MITF: variants seen among roughly 807,000 people sequenced by gnomAD.
MITF encodes the protein melanocyte inducing transcription factor, also known as microphthalmia-associated transcription factor.
A neutral mutation model predicts 60.5 loss-of-function variants in MITF; 17 were observed. That is an observed-to-expected ratio of 0.28 (90% CI 0.19 to 0.42). The LOEUF (loss-of-function observed/expected upper bound fraction) is 0.42, where lower values mean the gene tolerates loss of function less well. Among genes scored for constraint, MITF ranks in the 10% least tolerant of loss-of-function variants. The probability of loss-of-function intolerance (pLI) is 1.00; values close to 1 mark genes in which losing one functional copy is unlikely to be tolerated. For synonymous variants in MITF, 260 were observed against 248.5 expected (o/e 1.05, Z -0.43); for missense variants, 622 against 683.5 (o/e 0.91, Z 1.00).
intron 9 of MITF, among the ~76,000 whole-genome samples, chr3:69,961,917 T>C (rs1040959984): frequency 6.6e-6 from 1 of 152,234 alleles, no homozygotes; most frequent in African/African-American, 2.4e-5. Flanking sequence ...ATCTTGGTTT[T>C]CTTCCAGTGA....
chr3:69,964,949 C>A lies in MITF; in HGVS notation c.1282C>A (p.Leu428Ile), dbSNP rs750479971. The A allele has an allele frequency of 1.2e-6, 2 of 1,614,152 alleles. No homozygotes were observed. The highest frequency in any genetic ancestry group is 2.2e-5 in the East Asian group (1 of 44,858). The change falls in exon 10 of 10, where the codon CTT becomes ATT. Residue 428 changes from leucine to isoleucine, a missense_variant. Coordinates refer to ENST00000352241, the MANE Select transcript of MITF (RefSeq NM_001354604.2). ...VNRIIKQEPV[L>I]ENCSQDLLQH... is the part of the protein sequence containing the mutation. ...TCGGATCATCAAGCAAGAACCCGTT[C>A]TTGAGAACTGCAGCCAAGACCTCCT...
intron 2 of MITF, among the ~76,000 whole-genome samples, chr3:69,893,948 A>G (rs1470929490): frequency 1.3e-5 from 2 of 152,224 alleles, no homozygotes; most frequent in Non-Finnish European, 2.9e-5. Flanking sequence ...ATCCTTACTT[A>G]TAGAAAATTC....
chr3:69,938,506 A>G, intron 3 of MITF: 1 of 1,458,700 alleles, frequency 6.9e-7, no homozygotes, highest in Non-Finnish European at 9.0e-7. Flanking sequence ...GGGAAGAAAG[A>G]ATGGAATATG....
chr3:69,954,013 A>G (rs139062392), intron 7 of MITF, among the ~76,000 whole-genome samples: 31 of 152,206 alleles, frequency 2.0e-4, no homozygotes, highest in Non-Finnish European at 3.5e-4. Flanking sequence ...GTTGGATAGT[A>G]TAAAGACTTG....
chr3:69,768,465 T>G (rs957382910), intron 1 of MITF, among the ~76,000 whole-genome samples: 2 of 152,232 alleles, frequency 1.3e-5, no homozygotes, highest in African/African-American at 4.8e-5. Flanking sequence ...TCTAGATATC[T>G]TCTCATATTT....
chr3:69,908,943 T>C (rs2065160123), intron 2 of MITF, among the ~76,000 whole-genome samples: 1 of 152,240 alleles, frequency 6.6e-6, no homozygotes, highest in South Asian at 2.1e-4. Context: ...TTAGAAAATA[T>C]CTTTGATGCT....
chr3:69,929,554 C>T (rs75483215), intron 2 of MITF, among the ~76,000 whole-genome samples: 2,445 of 152,130 alleles, frequency 0.016, 50 homozygotes, highest in African/African-American at 0.048. Flanking sequence ...CTGTGAATAG[C>T]ATTGATGTAG....
At chr3:69,800,445 A>ATT (rs760558063) in intron 1 of MITF, among the ~76,000 whole-genome samples, 15 of 152,098 alleles carry the variant, frequency 9.9e-5, no homozygotes, top group Non-Finnish European at 2.1e-4. Context: ...TCTCTTGAGT[A>ATT]TTTACCTAAG....
chr3:69,819,832 G>C (rs2063239297), intron 1 of MITF, among the ~76,000 whole-genome samples: 1 of 152,112 alleles, frequency 6.6e-6, no homozygotes, highest in African/African-American at 2.4e-5. Context: ...GGGAGTGATG[G>C]TGCATGCCTG....
chr3:69,913,143 TA>T (rs1661393485), intron 2 of MITF, among the ~76,000 whole-genome samples: 1 of 152,174 alleles, frequency 6.6e-6, no homozygotes, highest in Admixed American at 6.5e-5. Flanking sequence ...TATAGATATA[TA>T]ATTATATTTT....
intron 2 of MITF, among the ~76,000 whole-genome samples, chr3:69,923,546 T>G (rs879747508): frequency 1.3e-5 from 2 of 152,188 alleles, no homozygotes; most frequent in Admixed American, 1.3e-4. Context: ...GGTTTCACCA[T>G]GTTGGCCTGA....
At chr3:69,954,722 C>T (rs1198233649) in intron 7 of MITF, among the ~76,000 whole-genome samples, 1 of 152,188 alleles carries the variant, frequency 6.6e-6, no homozygotes, top group Admixed American at 6.5e-5. Flanking sequence ...ACAATTCCTT[C>T]TTCAAAACCA....
At chr3:69,883,887 G>C (rs780576622) in intron 2 of MITF, among the ~76,000 whole-genome samples, 57 of 152,090 alleles carry the variant, frequency 3.7e-4, no homozygotes, top group Admixed American at 1.4e-3. Context: ...CAAACAACCT[G>C]TCAGCCTTGA....
At chr3:69,936,805 A>G (rs2065846599) in intron 2 of MITF, 3 of 1,555,658 alleles carry the variant, frequency 1.9e-6, no homozygotes, top group African/African-American at 1.4e-5. Context: ...AATGCAATAA[A>G]TTGATTTAAT....
intron 2 of MITF, among the ~76,000 whole-genome samples, chr3:69,902,636 T>A (rs2065018043): frequency 6.6e-6 from 1 of 152,198 alleles, no homozygotes; most frequent in African/African-American, 2.4e-5. Context: ...TCTTTTTCCT[T>A]TTTTAAAAAA....
At chr3:69,864,699 C>T (rs2064079694) in intron 1 of MITF, among the ~76,000 whole-genome samples, 1 of 152,128 alleles carries the variant, frequency 6.6e-6, no homozygotes, top group African/African-American at 2.4e-5. Flanking sequence ...CCCTGGCCTA[C>T]CAGATCCTTC....
chr3:69,870,436 A>T (rs534315187), intron 1 of MITF, among the ~76,000 whole-genome samples: 3 of 144,760 alleles, frequency 2.1e-5, no homozygotes, highest in Admixed American at 6.8e-5. Context: ...ATATATATAT[A>T]TATATTTTTT....
intron 1 of MITF, among the ~76,000 whole-genome samples, chr3:69,842,059 A>G (rs543025453): frequency 6.6e-6 from 1 of 152,236 alleles, no homozygotes; most frequent in Admixed American, 6.5e-5. Context: ...ATACCTATCA[A>G]ATATGAAGTG....
At chr3:69,905,817 A>G (rs969575274) in intron 2 of MITF, among the ~76,000 whole-genome samples, 1 of 151,976 alleles carries the variant, frequency 6.6e-6, no homozygotes, top group Non-Finnish European at 1.5e-5. Flanking sequence ...AGTGTGTGCA[A>G]ATCATTTGCC....
Sources: gnomAD v4.1 joint callset for allele counts (sites outside exome capture counted in the v4.1 genomes callset) on GRCh38, gnomAD v4.1.1 for gene constraint, MANE v1.5 for transcripts, NCBI Gene and HGNC (gene_info 2026-07-23, HGNC 2026-07-21) for gene names.